Variants in DGKK observed in about 807,000 individuals in gnomAD.
DGKK encodes 142 kDa diacylglycerol kinase.
A neutral mutation model predicts 92.2 loss-of-function variants in DGKK; 35 were observed. The ratio of observed to expected loss-of-function variants is 0.38; its 90% CI spans 0.29 to 0.50. The LOEUF (loss-of-function observed/expected upper bound fraction) is 0.50, where lower values mean the gene tolerates loss of function less well. DGKK is among the 20% of genes least tolerant of loss of function. The probability of loss-of-function intolerance (pLI) is 0.92; values close to 1 mark genes in which losing one functional copy is unlikely to be tolerated. For missense variants in DGKK, 910 were observed against 992.2 expected (o/e 0.92, Z 1.11); for synonymous variants, 368 against 360.6 (o/e 1.02, Z -0.23).
chrX:50,367,040 G>A lies in DGKK; in HGVS notation c.*1900C>T, dbSNP rs1289615738. ...TCAGACATTTGGGGACTATCCCCTT[G>A]TTAATATTTTTCTCCTCACCCCTGC... is the stretch of plus-strand genomic sequence containing the variant. On this transcript the variant is annotated 3_prime_UTR_variant, in exon 28 of 28. Transcript: ENST00000611977. 1.8e-5 allele frequency: 2 copies of A among 112,353 alleles called. No individual in the cohort carries two copies. The highest frequency in any genetic ancestry group is 6.5e-5 in the African/African-American group (2 of 30,939). 9.3% of individuals were successfully genotyped at this position (112,353 alleles called of 1,213,427 possible). A position where few individuals can be genotyped will look rare whatever the true frequency, so the allele number is the denominator to read the frequency against.
intron 26 of DGKK, among the ~76,000 whole-genome samples, chrX:50,371,465 T>C (rs1342038642): frequency 8.9e-6 from 1 of 112,015 alleles, no homozygotes; most frequent in Admixed American, 9.4e-5. Flanking sequence ...TGATCATCTC[T>C]TGTTACAGAA....
chrX:50,368,946 T>C lies in DGKK; in HGVS notation c.3810A>G (p.Gln1270=), dbSNP rs782814569. ...TTCTTCCAGCTTTCAAGGGCTACAG[T>C]TGAGATCTCGATGGTGTTAGAGGAT... ...GDDPLTPSRS[Q]L Residue 1270 remains glutamine, a synonymous_variant, in exon 28 of 28, where the codon CAA becomes CAG. Transcript: ENST00000611977. 2.5e-6 allele frequency: 3 copies of C among 1,205,353 alleles called. No individual in the cohort carries two copies. In the South Asian group the frequency reaches 5.3e-5, roughly 21 times the overall value.
At chrX:50,391,243 A>C (rs1327079189) in intron 11 of DGKK, among the ~76,000 whole-genome samples, 194 bp downstream of exon 11, 1 of 111,389 alleles carries the variant, frequency 9.0e-6, no homozygotes, top group Non-Finnish European at 1.9e-5. Context: ...GAGGGGCTTC[A>C]ATGTTTGAAG....
intron 1 of DGKK, among the ~76,000 whole-genome samples, chrX:50,427,317 G>A (rs1450773411): frequency 9.0e-6 from 1 of 110,776 alleles, no homozygotes; most frequent in Non-Finnish European, 1.9e-5. Flanking sequence ...TATAGGGACA[G>A]TAAAAAAACA....
intron 1 of DGKK, among the ~76,000 whole-genome samples, chrX:50,443,579 C>T (rs1926217476): frequency 9.0e-6 from 1 of 110,800 alleles, no homozygotes; most frequent in South Asian, 3.8e-4. Context: ...GTTCTGTGCA[C>T]CCTTCACCTA....
At chrX:50,394,033 G>T (rs1353854652) in intron 8 of DGKK, among the ~76,000 whole-genome samples, 1 of 112,063 alleles carries the variant, frequency 8.9e-6, no homozygotes, top group Non-Finnish European at 1.9e-5. Flanking sequence ...AGAGAAGTAG[G>T]GTTATAGCAG....
intron 1 of DGKK, among the ~76,000 whole-genome samples, chrX:50,463,369 A>C (rs1341044434): frequency 0.011 from 103 of 9,013 alleles, no homozygotes; most frequent in East Asian, 0.03. Flanking sequence ...TTCCCTCTCC[A>C]CCTCTCCCTT....
chrX:50,389,196 C>T (rs1209116239), intron 12 of DGKK, among the ~76,000 whole-genome samples: 6 of 112,177 alleles, frequency 5.3e-5, no homozygotes, highest in Non-Finnish European at 7.5e-5. Context: ...GGTAGTCTGG[C>T]TCTTGAGTCT....
At chrX:50,457,580 AG>A (rs1926639444) in intron 1 of DGKK, among the ~76,000 whole-genome samples, 2 of 111,802 alleles carry the variant, frequency 1.8e-5, no homozygotes, top group Non-Finnish European at 1.9e-5. Flanking sequence ...ATGCAGGCAG[AG>A]TGTAAATTCT....
chrX:50,415,643 C>T (rs1925414634), intron 4 of DGKK, among the ~76,000 whole-genome samples: 1 of 112,177 alleles, frequency 8.9e-6, no homozygotes, highest in South Asian at 3.7e-4. Context: ...CTTAAGATCT[C>T]ATGGAGCTTG....
At chrX:50,425,825 A>G (rs1196293856) in intron 1 of DGKK, among the ~76,000 whole-genome samples, 7 of 111,906 alleles carry the variant, frequency 6.3e-5, no homozygotes, top group African/African-American at 2.3e-4. Context: ...AAGAAATTAT[A>G]TTTAAATTGT....
At chrX:50,452,965 T>C (rs1926528634) in intron 1 of DGKK, among the ~76,000 whole-genome samples, 1 of 111,639 alleles carries the variant, frequency 9.0e-6, no homozygotes, top group African/African-American at 3.3e-5. Context: ...AATTCTGATC[T>C]CAGGAAGTCT....
chrX:50,420,656 C>G lies in DGKK; in HGVS notation c.838-149G>C. 11 of 439,675 alleles carry G rather than the reference C, an allele frequency of 2.5e-5. No homozygotes were observed. The South Asian group carries it at 5.1e-4, about 20-fold the overall frequency. The allele number at this position is 439,675 out of a possible 1,213,427, so 36.2% of individuals were successfully genotyped here. A position where few individuals can be genotyped will look rare whatever the true frequency, so the allele number is the denominator to read the frequency against. The stretch of plus-strand genomic sequence containing the variant: ...TAAGACAGACATTCCCAGAACCACT[C>G]GTAGCTCCTTAGTTACCCATCCGAA... On this transcript the variant is annotated intron_variant, in intron 3 of 27. Coordinates refer to ENST00000611977, the MANE Select transcript of DGKK (RefSeq NM_001013742.4).
rs1393596952 is a variant in DGKK at position 50,386,441 on chromosome X, A to C, written c.2264T>G (p.Ile755Arg). Residue 755 changes from isoleucine (I) to arginine (R), a missense_variant, in exon 15 of 28, where the codon ATA (isoleucine) becomes AGA (arginine). Physicochemically the swap from Ile to Arg is moderately conservative, Grantham distance 97. Coordinates refer to ENST00000611977, the MANE Select transcript of DGKK (RefSeq NM_001013742.4). The part of the protein sequence containing the change: ...RKPFIPQIDH[I>R]AKCKLELATK... ...AGCCAGCTCCAACTTGCACTTGGCT[A>C]TGTGGTCTATTTGAGGAATGAAGGG... 8 of 1,208,905 alleles carry C rather than the reference A, an allele frequency of 6.6e-6. No homozygotes were observed. The highest frequency in any genetic ancestry group is 8.9e-6 in the Non-Finnish European group (8 of 894,734).
intron 4 of DGKK, among the ~76,000 whole-genome samples, chrX:50,413,944 TA>T (rs1347171961): frequency 8.9e-6 from 1 of 112,118 alleles, no homozygotes; most frequent in Non-Finnish European, 1.9e-5. Context: ...ATAGTCAAGC[TA>T]TGGAAACAGC....
At chrX:50,391,305 A>C (rs781807484) in intron 11 of DGKK, 132 bp downstream of exon 11, 3 of 882,341 alleles carry the variant, frequency 3.4e-6, no homozygotes, top group Non-Finnish European at 4.6e-6. Flanking sequence ...CCAACCCACA[A>C]ATGGCTCTGC....
At chrX:50,451,212 T>G (rs1401886673) in intron 1 of DGKK, among the ~76,000 whole-genome samples, 1 of 111,599 alleles carries the variant, frequency 9.0e-6, no homozygotes, top group Admixed American at 9.5e-5. Flanking sequence ...AGATATTGAA[T>G]TAATGCCTCT....
chrX:50,466,889 T>C (rs781944524), intron 1 of DGKK, among the ~76,000 whole-genome samples: 7 of 112,120 alleles, frequency 6.2e-5, no homozygotes, highest in Non-Finnish European at 9.4e-5. Context: ...TAATGGTTAT[T>C]ACTGTGCAGT....
At position 50,470,479 on chromosome X, in the gene DGKK, G is replaced by A; in HGVS notation, c.200C>T (p.Pro67Leu). 8.2e-7 allele frequency: 1 copy of A among 1,212,492 alleles called. No individual in the cohort carries two copies. The highest frequency in any genetic ancestry group is 1.1e-6 in the Non-Finnish European group (1 of 895,606). Residue 67 changes from proline to leucine, a missense_variant, in exon 1 of 28, where the codon CCA becomes CTA. Coordinates refer to ENST00000611977, the MANE Select transcript of DGKK (RefSeq NM_001013742.4). ...PCPELAPGPC[P>L]EATSESATEL... Reference sequence around the variant, plus strand: ...TGTGGCTGATTCTGAGGTCGCCTCTGGACAGGGACCTGGAGCAAGCTCTGG... The same window carrying A: ...TGTGGCTGATTCTGAGGTCGCCTCTAGACAGGGACCTGGAGCAAGCTCTGG...
Sources: allele counts gnomAD v4.1 joint callset (sites outside exome capture counted in the v4.1 genomes callset), GRCh38; gene constraint gnomAD v4.1.1; transcripts MANE v1.5; gene names NCBI Gene and HGNC (gene_info 2026-07-23, HGNC 2026-07-21).